The following DPP6 variants were observed in gnomAD, a reference collection of about 807,000 sequenced individuals.
DPP6 encodes the protein A-type potassium channel modulatory protein DPP6.
A neutral mutation model predicts 122.6 loss-of-function variants in DPP6; 69 were observed. The observed-to-expected ratio is 0.56, with a 90% CI of 0.46 to 0.69. The LOEUF is 0.69. Ranked by LOEUF, DPP6 falls within the 30% of genes least tolerant of loss-of-function variation. The pLI is 0.00. For missense variants in DPP6, 928 were observed against 1,116.9 expected, an observed-to-expected ratio of 0.83 and a Z score of 2.41; for synonymous variants, 418 against 433.1, an observed-to-expected ratio of 0.97 and a Z score of 0.43.
chr7:154,490,695 G>T (rs1824206208), intron 3 of DPP6, among the ~76,000 whole-genome samples: 1 of 152,214 alleles, frequency 6.6e-6, no homozygotes, highest in African/African-American at 2.4e-5. Context: ...ATACTTAAAA[G>T]TGTTGTGTGT....
the DPP6 span, among the ~76,000 whole-genome samples, chr7:153,776,726 C>A: frequency 2.0e-5 from 3 of 152,042 alleles, no homozygotes; most frequent in South Asian, 2.1e-4. Flanking sequence ...GCTGGGAAGA[C>A]GGGACATGCA....
intron 1 of DPP6, among the ~76,000 whole-genome samples, chr7:154,023,984 T>G (rs1453376489): frequency 3.3e-5 from 5 of 152,232 alleles, no homozygotes; most frequent in Non-Finnish European, 5.9e-5. Context: ...TTCTACTACC[T>G]TCAAATGCTT....
intron 5 of DPP6, among the ~76,000 whole-genome samples, chr7:154,626,702 G>C (rs910690435): frequency 1.3e-5 from 2 of 152,208 alleles, no homozygotes; most frequent in African/African-American, 2.4e-5. Context: ...CTATAAGTTA[G>C]TTTATTCCAG....
chr7:153,839,643 C>T, the DPP6 span, among the ~76,000 whole-genome samples: 1 of 152,168 alleles, frequency 6.6e-6, no homozygotes, highest in Admixed American at 6.5e-5. Context: ...TAGAAAAACA[C>T]ACGTTTTCAC....
At chr7:154,324,790 C>T (rs1219125488) in intron 1 of DPP6, among the ~76,000 whole-genome samples, 1 of 152,076 alleles carries the variant, frequency 6.6e-6, no homozygotes, top group Admixed American at 6.6e-5. Context: ...TTTATGTGGT[C>T]CGTCCTCACA....
chr7:154,351,971 T>C (rs1810896184), intron 1 of DPP6, among the ~76,000 whole-genome samples: 1 of 152,112 alleles, frequency 6.6e-6, no homozygotes, highest in African/African-American at 2.4e-5. Context: ...AGCAGGGCAC[T>C]GGCCGACCAG....
At chr7:154,850,059 G>T (rs1277791763) in intron 16 of DPP6, among the ~76,000 whole-genome samples, 1 of 152,134 alleles carries the variant, frequency 6.6e-6, no homozygotes, top group Non-Finnish European at 1.5e-5. Flanking sequence ...TATTTCCATA[G>T]GTTTTGGAGG....
intron 1 of DPP6, among the ~76,000 whole-genome samples, chr7:154,393,487 G>A (rs1814805098): frequency 6.6e-6 from 1 of 151,744 alleles, no homozygotes. Context: ...CTGGGACTTG[G>A]GACTTAAAAG....
intron 1 of DPP6, among the ~76,000 whole-genome samples, chr7:153,987,245 T>G (rs932593127): frequency 6.6e-6 from 1 of 152,216 alleles, no homozygotes; most frequent in African/African-American, 2.4e-5. Context: ...TGTCATTGTT[T>G]GTAAATGTGC....
At chr7:153,794,312 C>A in the DPP6 span, among the ~76,000 whole-genome samples, 1 of 152,224 alleles carries the variant, frequency 6.6e-6, no homozygotes, top group Non-Finnish European at 1.5e-5. Context: ...GAACCCACCT[C>A]TTGCATCAGC....
At position 154,271,940 on chromosome 7, in the gene DPP6, C is replaced by T. The variant is rs535387484; in HGVS notation, c.244-174274C>T. On this transcript the variant is annotated intron_variant, in intron 1 of 25. Transcript: ENST00000377770. ...TATAGAAAGATTTATGAATGAGATG[C>T]TTTGATGAAAGTCTGTAACCAAAAC... is the stretch of plus-strand genomic sequence containing the variant. Among the ~76,000 whole-genome samples, 33 of 152,286 alleles carry T rather than the reference C, an allele frequency of 2.2e-4. 1 individual carries two copies. The South Asian group carries it at 6.2e-3, about 29-fold the overall frequency.
At chr7:153,998,941 CAG>C (rs1326438773) in intron 1 of DPP6, among the ~76,000 whole-genome samples, 6 of 152,200 alleles carry the variant, frequency 3.9e-5, no homozygotes, top group African/African-American at 1.4e-4. Flanking sequence ...TTCATTAACT[CAG>C]AAACTAGAGT....
At chr7:153,755,868 C>A in the DPP6 span, among the ~76,000 whole-genome samples, 2 of 152,136 alleles carry the variant, frequency 1.3e-5, no homozygotes, top group East Asian at 1.9e-4. Flanking sequence ...GTAGGAAGCC[C>A]TCCCTCTAAA....
Position 154,174,230 on chromosome 7 carries a change from T to C in DPP6, c.243+121167T>C, listed in dbSNP as rs577834056. Among the ~76,000 whole-genome samples, 9 of 152,374 alleles carry C rather than the reference T, an allele frequency of 5.9e-5. No homozygotes were observed. The East Asian group carries it at 1.3e-3, about 23-fold the overall frequency. On this transcript the variant is annotated intron_variant, in intron 1 of 25. Coordinates refer to ENST00000377770, the MANE Select transcript of DPP6 (RefSeq NM_130797.4). ...CAAATTTCTTACTTTCTTGCAGTTCTGTTTACCCATTGGAAAACTGAAATA... is the reference window on the plus strand; with the variant it reads ...CAAATTTCTTACTTTCTTGCAGTTCCGTTTACCCATTGGAAAACTGAAATA...
chr7:154,623,124 C>T (rs1376526380), intron 5 of DPP6, among the ~76,000 whole-genome samples: 5 of 152,172 alleles, frequency 3.3e-5, no homozygotes, highest in Non-Finnish European at 5.9e-5. Context: ...CTGGCCTTTA[C>T]TTGGTGAGAT....
chr7:153,970,959 C>T (rs1795988361), intron 1 of DPP6, among the ~76,000 whole-genome samples: 2 of 151,964 alleles, frequency 1.3e-5, no homozygotes, highest in Non-Finnish European at 2.9e-5. Flanking sequence ...ATTGTTTTGG[C>T]TATTCTAGAT....
chr7:154,495,670 G>A (rs1301505126), intron 3 of DPP6, among the ~76,000 whole-genome samples: 2 of 152,182 alleles, frequency 1.3e-5, no homozygotes, highest in Admixed American at 1.3e-4. Flanking sequence ...GATTACAGGT[G>A]TGAGCCACTG....
intron 1 of DPP6, among the ~76,000 whole-genome samples, chr7:154,078,904 A>G (rs1194317863): frequency 6.6e-6 from 1 of 150,556 alleles, no homozygotes; most frequent in Non-Finnish European, 1.5e-5. Context: ...TAAATTCAAA[A>G]CATTGAGGGT....
At chr7:154,722,871 C>T (rs1047286182) in intron 7 of DPP6, among the ~76,000 whole-genome samples, 1 of 152,106 alleles carries the variant, frequency 6.6e-6, no homozygotes, top group Non-Finnish European at 1.5e-5. Flanking sequence ...TCTCAGCATC[C>T]AGGATTTCTC....
Sources: allele counts gnomAD v4.1 joint callset (sites outside exome capture counted in the v4.1 genomes callset), GRCh38; gene constraint gnomAD v4.1.1; transcripts MANE v1.5; gene names NCBI Gene and HGNC (gene_info 2026-07-23, HGNC 2026-07-21).